Variants in MARCHF3 observed in about 807,000 individuals in gnomAD.
MARCHF3 encodes the protein E3 ubiquitin-protein ligase MARCHF3.
MARCHF3 carries 13 observed loss-of-function variants against 24.2 expected under a neutral mutation model. The ratio of observed to expected loss-of-function variants is 0.54; its 90% CI spans 0.35 to 0.85. The LOEUF (loss-of-function observed/expected upper bound fraction) is 0.85, where lower values mean the gene tolerates loss of function less well. Ranked by LOEUF, MARCHF3 falls within the 40% of genes least tolerant of loss-of-function variation. The probability of loss-of-function intolerance (pLI) is 0.01; values close to 1 mark genes in which losing one functional copy is unlikely to be tolerated. For missense variants in MARCHF3, 276 were observed against 325.0 expected (o/e 0.85, Z 1.16); for synonymous variants, 144 against 137.3 (o/e 1.05, Z -0.34).
intron 1 of MARCHF3, among the ~76,000 whole-genome samples, chr5:126,969,271 C>T (rs1750916466): frequency 6.6e-6 from 1 of 152,152 alleles, no homozygotes; most frequent in Non-Finnish European, 1.5e-5. Context: ...CAATTTTACC[C>T]AACATATATA....
rs1024502446 is a variant in MARCHF3, at chr5:126,918,252, A to G, written c.-56-25T>C. The G allele has an allele frequency of 1.3e-5, 19 of 1,436,294 alleles. No homozygotes were observed. In the African/African-American group the frequency reaches 1.9e-4, roughly 14 times the overall value. 89.0% of individuals were successfully genotyped at this position (1,436,294 alleles called of 1,614,324 possible). A position where few individuals can be genotyped will look rare whatever the true frequency, so the allele number is the denominator to read the frequency against. ...TCTAAGAGAGATCAGAAAACAGTTT[A>G]CTTGGGCAGGGTGGCTAATAGAAAA... On this transcript the variant is annotated intron_variant, in intron 1 of 4. Transcript: ENST00000308660.
At chr5:126,895,632 G>T (rs1753858293) in intron 3 of MARCHF3, among the ~76,000 whole-genome samples, 2 of 152,128 alleles carry the variant, frequency 1.3e-5, no homozygotes, top group African/African-American at 2.4e-5. Context: ...TCGGGGGTCA[G>T]GGGTCAGGGA....
chr5:126,887,847 G>GCA (rs1315463704), intron 3 of MARCHF3, among the ~76,000 whole-genome samples: 1 of 152,108 alleles, frequency 6.6e-6, no homozygotes, highest in East Asian at 1.9e-4. Flanking sequence ...TCACAAACCA[G>GCA]CACACACAAA....
At chr5:126,982,157 T>C (rs953878708) in intron 1 of MARCHF3, among the ~76,000 whole-genome samples, 1 of 152,222 alleles carries the variant, frequency 6.6e-6, no homozygotes, top group African/African-American at 2.4e-5. Context: ...ACTGAATTCA[T>C]TCACTGCTGT....
At chr5:127,017,816 T>A (rs1377152287) in intron 1 of MARCHF3, among the ~76,000 whole-genome samples, 1 of 152,174 alleles carries the variant, frequency 6.6e-6, no homozygotes, top group Non-Finnish European at 1.5e-5. Flanking sequence ...ATGAATAACT[T>A]TTTTTTAGTT....
intron 1 of MARCHF3, among the ~76,000 whole-genome samples, chr5:126,976,444 T>C (rs1196037350): frequency 6.6e-6 from 1 of 152,232 alleles, no homozygotes; most frequent in Admixed American, 6.5e-5. Context: ...TCCAGGTTCA[T>C]TGCCTCTGCT....
chr5:126,878,620 T>C (rs1753250516), intron 3 of MARCHF3, among the ~76,000 whole-genome samples: 2 of 152,246 alleles, frequency 1.3e-5, no homozygotes, highest in Non-Finnish European at 2.9e-5. Context: ...GTGTCCTTGC[T>C]GTAGATGACC....
chr5:126,904,839 T>C (rs1231292002), intron 3 of MARCHF3, among the ~76,000 whole-genome samples: 1 of 149,978 alleles, frequency 6.7e-6, no homozygotes, highest in African/African-American at 2.5e-5. Context: ...TTTGTCAATT[T>C]TGGCTTTTGT....
intron 1 of MARCHF3, among the ~76,000 whole-genome samples, chr5:127,000,133 T>A (rs1752080118): frequency 6.6e-6 from 1 of 151,866 alleles, no homozygotes; most frequent in East Asian, 1.9e-4. Flanking sequence ...AGATCCTTCA[T>A]ATCATTTAAC....
chr5:126,944,101 C>T (rs1010070668), intron 1 of MARCHF3, among the ~76,000 whole-genome samples: 3 of 152,168 alleles, frequency 2.0e-5, no homozygotes, highest in Non-Finnish European at 2.9e-5. Context: ...TGAGCCACCG[C>T]GCCCAGCCAT....
At chr5:126,946,051 T>C (rs1311570907) in intron 1 of MARCHF3, among the ~76,000 whole-genome samples, 2 of 152,060 alleles carry the variant, frequency 1.3e-5, no homozygotes, top group Non-Finnish European at 2.9e-5. Flanking sequence ...GAAATCAATT[T>C]AGTGAGTCTT....
At chr5:126,881,848 T>C (rs1351927884) in intron 3 of MARCHF3, among the ~76,000 whole-genome samples, 4 of 151,978 alleles carry the variant, frequency 2.6e-5, no homozygotes, top group African/African-American at 7.3e-5. Context: ...ACAAAACAGA[T>C]AGAAAGGGAG....
chr5:126,871,008 T>C (rs1752948251), intron 4 of MARCHF3, among the ~76,000 whole-genome samples: 1 of 152,216 alleles, frequency 6.6e-6, no homozygotes, highest in South Asian at 2.1e-4. Context: ...TGGGCAGGGC[T>C]TGCATGGTGG....
At chr5:126,944,055 C>T (rs549070431) in intron 1 of MARCHF3, among the ~76,000 whole-genome samples, 53 of 152,096 alleles carry the variant, frequency 3.5e-4, no homozygotes, top group African/African-American at 1.3e-3. Context: ...CATGATCCAC[C>T]CACCCTGGCC....
chr5:126,913,425 A>G (rs1754607709), intron 3 of MARCHF3, among the ~76,000 whole-genome samples: 1 of 152,242 alleles, frequency 6.6e-6, no homozygotes, highest in South Asian at 2.1e-4. Context: ...AGAAATTTTC[A>G]ACTCCTTTGT....
chr5:126,965,018 T>C (rs1750758434), intron 1 of MARCHF3, among the ~76,000 whole-genome samples: 1 of 143,312 alleles, frequency 7.0e-6, no homozygotes, highest in Admixed American at 6.8e-5. Flanking sequence ...AACATGTTCT[T>C]AGTAAAAAAA....
chr5:126,973,879 A>ATTTTTTTTTTTTTT (rs10585434), intron 1 of MARCHF3, among the ~76,000 whole-genome samples: 4 of 82,942 alleles, frequency 4.8e-5, no homozygotes, highest in East Asian at 4.0e-4. Flanking sequence ...AGCAAAATCT[A>ATTTTTTTTTTTTTT]TTTTTTTTTT....
At chr5:126,877,788 A>T (rs563907971) in intron 4 of MARCHF3, among the ~76,000 whole-genome samples, 16 of 152,344 alleles carry the variant, frequency 1.1e-4, no homozygotes, top group African/African-American at 3.4e-4. Flanking sequence ...AGGCAGTGAC[A>T]GCAACAGCAG....
intron 1 of MARCHF3, among the ~76,000 whole-genome samples, chr5:126,959,209 A>G (rs993866922): frequency 2.0e-5 from 3 of 152,212 alleles, no homozygotes; most frequent in Non-Finnish European, 4.4e-5. Context: ...GTCAACATCA[A>G]CAGTGATAGG....
Sources: gnomAD v4.1 joint callset for allele counts (sites outside exome capture counted in the v4.1 genomes callset) on GRCh38, gnomAD v4.1.1 for gene constraint, MANE v1.5 for transcripts, NCBI Gene and HGNC (gene_info 2026-07-23, HGNC 2026-07-21) for gene names.